ATP8A1: variants seen among roughly 807,000 people sequenced by gnomAD.
ATP8A1 encodes ATPase phospholipid transporting 8A1, also known as phospholipid-transporting ATPase IA.
ATP8A1 carries 90 observed loss-of-function variants against 177.7 expected under a neutral mutation model. That is an observed-to-expected ratio of 0.51 (90% CI 0.43 to 0.60). The LOEUF is 0.60. Ranked by LOEUF, ATP8A1 falls within the 20% of genes least tolerant of loss-of-function variation. The pLI is 0.00. For missense variants in ATP8A1, 1,072 were observed against 1,392.8 expected, an observed-to-expected ratio of 0.77 and a Z score of 3.67; for synonymous variants, 493 against 485.9, an observed-to-expected ratio of 1.01 and a Z score of -0.19.
chr4:42,653,719 G>C (rs1253636088), intron 1 of ATP8A1, among the ~76,000 whole-genome samples: 1 of 152,188 alleles, frequency 6.6e-6, no homozygotes, highest in African/African-American at 2.4e-5. Flanking sequence ...TAAGAAATTA[G>C]ATTCAATGAA....
chr4:42,619,045 T>G (rs1159290075), intron 4 of ATP8A1, among the ~76,000 whole-genome samples: 1 of 148,134 alleles, frequency 6.8e-6, no homozygotes, highest in Non-Finnish European at 1.5e-5. Context: ...AATAGCCTAG[T>G]GTGATTTTTT....
intron 27 of ATP8A1, chr4:42,459,660 T>C (rs989534637): frequency 6.1e-6 from 1 of 164,976 alleles, no homozygotes; most frequent in South Asian, 1.5e-4. Context: ...TTGAATCTTA[T>C]AAACTATTTT....
chr4:42,582,264 C>T (rs1390203893), intron 9 of ATP8A1, among the ~76,000 whole-genome samples: 1 of 152,078 alleles, frequency 6.6e-6, no homozygotes, highest in East Asian at 1.9e-4. Context: ...AATAAATTTC[C>T]ATCATTAAAG....
Position 42,485,486 on chromosome 4 carries a change from G to C in ATP8A1, c.2324+10C>G, listed in dbSNP as rs371121296. On this transcript the variant is annotated intron_variant, in intron 25 of 36. Coordinates refer to ENST00000381668, the MANE Select transcript of ATP8A1 (RefSeq NM_006095.2). ...TTTACTAAAATCTGACAATGATAAGGAGAACTTACCGACAGCAAATGACAG... is the reference window on the plus strand; with the variant it reads ...TTTACTAAAATCTGACAATGATAAGCAGAACTTACCGACAGCAAATGACAG... 2.5e-6 allele frequency: 4 copies of C among 1,597,964 alleles called. No homozygotes were observed.
At position 42,493,364 on chromosome 4, in the gene ATP8A1, A is replaced by G. The variant is rs369212210; in HGVS notation, c.2152-7696T>C. ...GGGAAAATTAAATGTTATTTTGAAA[A>G]AAATTCCCTAATGAATGATAAAAGT... On this transcript the variant is annotated intron_variant, in intron 24 of 36. Coordinates refer to ENST00000381668, the MANE Select transcript of ATP8A1 (RefSeq NM_006095.2). 9.2e-5 allele frequency among the ~76,000 whole-genome samples: 14 copies of G among 152,352 alleles called. No homozygotes were observed. In the East Asian group the frequency reaches 2.5e-3, roughly 27 times the overall value.
At chr4:42,532,490 T>C (rs934803747) in intron 20 of ATP8A1, among the ~76,000 whole-genome samples, 1 of 151,284 alleles carries the variant, frequency 6.6e-6, no homozygotes, top group South Asian at 2.1e-4. Flanking sequence ...AAAAAAAAAA[T>C]AAATAAATTG....
rs2153165041 is a variant in ATP8A1, at chr4:42,412,905, G to A, written c.*11C>T. 1 of 1,612,202 alleles carries A rather than the reference G, an allele frequency of 6.2e-7. No homozygotes were observed. The highest frequency in any genetic ancestry group is 8.5e-7 in the Non-Finnish European group (1 of 1,178,550). ...GAGAGGTAACAGAGCCTGCCTTTCA[G>A]GCTCTCCCCATCACCATTCGTCGGG... On this transcript the variant is annotated 3_prime_UTR_variant, in exon 37 of 37. Transcript: ENST00000381668.
intron 6 of ATP8A1, among the ~76,000 whole-genome samples, chr4:42,599,076 T>G (rs924285373): frequency 7.2e-5 from 11 of 152,096 alleles, no homozygotes; most frequent in African/African-American, 2.4e-4. Context: ...ATAATCCAGG[T>G]AGGTTAGCAC....
chr4:42,564,516 T>C (rs1731163703), intron 15 of ATP8A1, among the ~76,000 whole-genome samples: 1 of 152,244 alleles, frequency 6.6e-6, no homozygotes, highest in East Asian at 1.9e-4. Flanking sequence ...GGGATCATTT[T>C]GGACCTTTAA....
At chr4:42,435,425 TCAAAAAAAA>T (rs1715811487) in intron 33 of ATP8A1, among the ~76,000 whole-genome samples, 1 of 40,006 alleles carries the variant, frequency 2.5e-5, no homozygotes, top group African/African-American at 1.4e-4. Flanking sequence ...AGACTTCATC[TCAAAAAAAA>T]AAAAAAAAAA....
intron 25 of ATP8A1, among the ~76,000 whole-genome samples, chr4:42,477,770 G>C (rs983283441): frequency 1.3e-4 from 20 of 148,550 alleles, no homozygotes; most frequent in African/African-American, 4.3e-4. Flanking sequence ...CCAGGAGTTT[G>C]AGAACAGCCT....
At chr4:42,581,814 C>A in intron 9 of ATP8A1, 82 bp from the exon 10 acceptor site, 1 of 976,470 alleles carries the variant, frequency 1.0e-6, no homozygotes, top group Non-Finnish European at 1.6e-6. Context: ...TACAAAAGTA[C>A]CCATTATTAA....
At chr4:42,537,718 C>T (rs1727990108) in intron 20 of ATP8A1, among the ~76,000 whole-genome samples, 2 of 152,134 alleles carry the variant, frequency 1.3e-5, no homozygotes, top group South Asian at 4.1e-4. Flanking sequence ...GGTGAAAGAC[C>T]TCTACAAGGA....
intron 31 of ATP8A1, among the ~76,000 whole-genome samples, 193 bp downstream of exon 31, chr4:42,446,390 T>C (rs943442077): frequency 2.6e-5 from 4 of 151,770 alleles, no homozygotes; most frequent in Non-Finnish European, 4.4e-5. Context: ...CATTCAGTTA[T>C]TTTATTTCAT....
At chr4:42,653,879 A>G (rs1213422722) in intron 1 of ATP8A1, among the ~76,000 whole-genome samples, 1 of 152,196 alleles carries the variant, frequency 6.6e-6, no homozygotes, top group Non-Finnish European at 1.5e-5. Context: ...TTTCCTTAAG[A>G]ACTCTGAAAT....
rs1434948851 is a variant in ATP8A1, at chr4:42,413,009, C to T, written c.3402G>A (p.Gly1134=). 3 of 1,612,368 alleles carry T rather than the reference C, an allele frequency of 1.9e-6. No homozygotes were observed. Among genetic ancestry groups the T allele is most frequent in the South Asian group, 2.2e-5 (2 of 91,016 alleles). ...CATTTTCATCTTGAGAGAACGCATA[C>T]CCATCTGTAGGTTAATGATAAAACA... ...SESLQQNLLH[G]YAFSQDENGI... The change falls in exon 37 of 37, where the codon GGG becomes GGA. Residue 1134 remains glycine (G), a synonymous_variant. Coordinates refer to ENST00000381668, the MANE Select transcript of ATP8A1 (RefSeq NM_006095.2).
rs766868780 is a variant in ATP8A1 at position 42,590,898 on chromosome 4, T to C, written c.451-14A>G. The C allele has an allele frequency of 1.9e-6, 3 of 1,558,912 alleles. No homozygotes were observed. Among genetic ancestry groups the C allele is most frequent in the South Asian group, 1.2e-5 (1 of 85,792 alleles). The stretch of plus-strand genomic sequence containing the variant: ...CCCTACTGCCACCTACACGTCCCAG[T>C]ATAAAATAATTAAAATGGCCAAAAA... On this transcript the variant is annotated splice_polypyrimidine_tract_variant and intron_variant, in intron 6 of 36. Coordinates refer to ENST00000381668, the MANE Select transcript of ATP8A1 (RefSeq NM_006095.2).
chr4:42,453,239 C>T (rs1161167691), intron 29 of ATP8A1, among the ~76,000 whole-genome samples: 1 of 152,206 alleles, frequency 6.6e-6, no homozygotes, highest in Non-Finnish European at 1.5e-5. Flanking sequence ...TCATTCAGGG[C>T]AACAATGCTC....
At chr4:42,496,195 G>C (rs1271709582) in intron 24 of ATP8A1, among the ~76,000 whole-genome samples, 1 of 152,200 alleles carries the variant, frequency 6.6e-6, no homozygotes, top group Non-Finnish European at 1.5e-5. Flanking sequence ...TCTGTGTCCA[G>C]TCTGTGTTTC....
Sources: allele counts gnomAD v4.1 joint callset (sites outside exome capture counted in the v4.1 genomes callset), GRCh38; gene constraint gnomAD v4.1.1; transcripts MANE v1.5; gene names NCBI Gene and HGNC (gene_info 2026-07-23, HGNC 2026-07-21).